The following THRB variants were observed in gnomAD, a reference collection of about 807,000 sequenced individuals.
The protein encoded by THRB is nuclear receptor subfamily 1 group A member 2.
A neutral mutation model predicts 47.8 loss-of-function variants in THRB; 12 were observed. That is an observed-to-expected ratio of 0.25 (90% CI 0.16 to 0.41). The LOEUF (loss-of-function observed/expected upper bound fraction) is 0.41. THRB is among the 10% of genes least tolerant of loss of function. THRB has a pLI of 1.00. For missense variants in THRB, 348 were observed against 589.2 expected (o/e 0.59, Z 4.24); for synonymous variants, 218 against 212.2 (o/e 1.03, Z -0.24).
chr3:24,284,616 A>C (rs2055037297), intron 3 of THRB, among the ~76,000 whole-genome samples: 2 of 150,516 alleles, frequency 1.3e-5, no homozygotes, highest in Admixed American at 1.3e-4. Context: ...CTGCACAGCA[A>C]AAGAAACTAC....
intron 1 of THRB, among the ~76,000 whole-genome samples, chr3:24,424,767 T>C (rs1457212800): frequency 6.6e-6 from 1 of 152,020 alleles, no homozygotes; most frequent in Non-Finnish European, 1.5e-5. Flanking sequence ...GTTTTATTTC[T>C]GATTCTTTAA....
intron 1 of THRB, among the ~76,000 whole-genome samples, chr3:24,339,448 A>T (rs1268169091): frequency 6.6e-6 from 1 of 152,228 alleles, no homozygotes; most frequent in Admixed American, 6.5e-5. Flanking sequence ...CAAACAGTGC[A>T]GAAGAGGCCA....
At chr3:24,483,434 A>C (rs1371481372) in intron 1 of THRB, among the ~76,000 whole-genome samples, 1 of 152,150 alleles carries the variant, frequency 6.6e-6, no homozygotes, top group African/African-American at 2.4e-5. Flanking sequence ...TACCTCTGTC[A>C]ACATACCAAG....
At chr3:24,326,046 A>G (rs1315857118) in intron 2 of THRB, among the ~76,000 whole-genome samples, 1 of 152,170 alleles carries the variant, frequency 6.6e-6, no homozygotes, top group African/African-American at 2.4e-5. Flanking sequence ...CCCTCAGTCA[A>G]GGATTCATAG....
rs142769546 is a variant in THRB, at chr3:24,453,220, T to C, written c.-261+41432A>G. On this transcript the variant is annotated intron_variant, in intron 1 of 10. Coordinates refer to ENST00000646209, the MANE Select transcript of THRB (RefSeq NM_001354712.2). ...AATAGCAGCAACAGTTATTAAAGCA[T>C]TCACTATGTGCCAGGTACTCTTGTG... 3.1e-4 allele frequency among the ~76,000 whole-genome samples: 47 copies of C among 152,334 alleles called. No individual in the cohort carries two copies. The East Asian group carries it at 7.5e-3, about 24-fold the overall frequency.
At chr3:24,447,854 G>C (rs146812328) in intron 1 of THRB, among the ~76,000 whole-genome samples, 2,170 of 152,026 alleles carry the variant, frequency 0.014, 59 homozygotes, top group African/African-American at 0.049. Flanking sequence ...GGTATCGGAG[G>C]AGTTTGAACT....
chr3:24,216,331 G>T (rs1256196125), intron 4 of THRB, among the ~76,000 whole-genome samples: 1 of 152,146 alleles, frequency 6.6e-6, no homozygotes, highest in Admixed American at 6.5e-5. Context: ...TGAATTGCTG[G>T]CTGGGCGCAG....
At chr3:24,173,051 G>A (rs897563462) in intron 5 of THRB, among the ~76,000 whole-genome samples, 5 of 152,152 alleles carry the variant, frequency 3.3e-5, no homozygotes, top group African/African-American at 1.2e-4. Flanking sequence ...CTCAAATGGT[G>A]GTTTCTGAAC....
At chr3:24,269,403 GCACACACACACACA>G (rs200586026) in intron 3 of THRB, among the ~76,000 whole-genome samples, 25 of 72,682 alleles carry the variant, frequency 3.4e-4, no homozygotes, top group Admixed American at 1.2e-3. Flanking sequence ...GCGCGCGCGC[GCACACACACACACA>G]CACACACACA....
chr3:24,197,238 A>C (rs1575781273), intron 4 of THRB, among the ~76,000 whole-genome samples: 2 of 152,240 alleles, frequency 1.3e-5, no homozygotes, highest in East Asian at 3.8e-4. Context: ...CATCATTACA[A>C]GCAATTCAAT....
intron 5 of THRB, among the ~76,000 whole-genome samples, chr3:24,169,640 A>T (rs1353390738): frequency 6.7e-6 from 1 of 149,430 alleles, no homozygotes; most frequent in African/African-American, 2.4e-5. Context: ...TGACTGGCCT[A>T]GTAAGTGACA....
chr3:24,400,815 C>G (rs1163972412), intron 1 of THRB, among the ~76,000 whole-genome samples: 3 of 152,012 alleles, frequency 2.0e-5, no homozygotes, highest in Admixed American at 2.0e-4. Context: ...TTAATTTTAC[C>G]TTATTGAGTT....
At chr3:24,393,236 A>G (rs1026648436) in intron 1 of THRB, among the ~76,000 whole-genome samples, 2 of 152,184 alleles carry the variant, frequency 1.3e-5, no homozygotes, top group Non-Finnish European at 2.9e-5. Flanking sequence ...AGAGAAGATC[A>G]GTTATTTTTA....
Position 24,466,508 on chromosome 3 carries a change from G to A in THRB, c.-261+28144C>T, listed in dbSNP as rs188791372. Among the ~76,000 whole-genome samples the A allele has an allele frequency of 1.7e-4, 26 of 152,194 alleles. 1 individual carries two copies. The highest frequency in any genetic ancestry group is 2.6e-4 in the African/African-American group (11 of 41,536). ...AGTGGGGAAGAGTTCTGCTGGCTCC[G>A]TGTTCAGTATGCACACATTTATCTA... On this transcript the variant is annotated intron_variant, in intron 1 of 10. Transcript: ENST00000646209.
intron 2 of THRB, among the ~76,000 whole-genome samples, chr3:24,335,235 C>T (rs2062172118): frequency 6.6e-6 from 1 of 152,204 alleles, no homozygotes; most frequent in Admixed American, 6.5e-5. Flanking sequence ...AAATATTGTC[C>T]TCTGAATCTC....
chr3:24,466,846 G>A lies in THRB; in HGVS notation c.-261+27806C>T, dbSNP rs1449647404. 1.3e-5 allele frequency among the ~76,000 whole-genome samples: 2 copies of A among 152,192 alleles called. 1 individual carries two copies. Among genetic ancestry groups the A allele is most frequent in the African/African-American group, 4.8e-5 (2 of 41,448 alleles). ...GCGTCTTGTCTTGATGTTGCTGGCTGCTAACTGATCAGGGTGATGGTTGCT... is the reference window on the plus strand; with the variant it reads ...GCGTCTTGTCTTGATGTTGCTGGCTACTAACTGATCAGGGTGATGGTTGCT... On this transcript the variant is annotated intron_variant, in intron 1 of 10. Coordinates refer to ENST00000646209, the MANE Select transcript of THRB (RefSeq NM_001354712.2).
At chr3:24,305,632 G>A (rs1212845595) in intron 2 of THRB, among the ~76,000 whole-genome samples, 1 of 152,162 alleles carries the variant, frequency 6.6e-6, no homozygotes, top group Non-Finnish European at 1.5e-5. Context: ...TGGTTATAAT[G>A]GGTTGGAAGC....
intron 4 of THRB, among the ~76,000 whole-genome samples, chr3:24,201,369 A>C (rs2044577142): frequency 6.6e-6 from 1 of 152,038 alleles, no homozygotes. Context: ...GTGAATATCT[A>C]CGGCCCTGTT....
chr3:24,321,837 T>C (rs913815349), intron 2 of THRB, among the ~76,000 whole-genome samples: 3 of 152,192 alleles, frequency 2.0e-5, no homozygotes, highest in African/African-American at 7.2e-5. Flanking sequence ...AGATACACAC[T>C]AGATTTTGAA....
Sources: gnomAD v4.1 joint callset for allele counts (sites outside exome capture counted in the v4.1 genomes callset) on GRCh38, gnomAD v4.1.1 for gene constraint, MANE v1.5 for transcripts, NCBI Gene and HGNC (gene_info 2026-07-23, HGNC 2026-07-21) for gene names.